The following ARHGEF38 variants were observed in gnomAD, a reference collection of about 807,000 sequenced individuals.
The protein encoded by ARHGEF38 is Rho guanine nucleotide exchange factor 38, also known as Rho guanine nucleotide exchange factor (GEF) 38.
Under a neutral mutation model 79.9 loss-of-function variants are expected in ARHGEF38, and 79 were observed. The ratio of observed to expected loss-of-function variants is 0.99; its 90% confidence interval spans 0.82 to 1.19. The LOEUF (loss-of-function observed/expected upper bound fraction) is 1.19, where lower values mean the gene tolerates loss of function less well. Ranked by LOEUF, ARHGEF38 falls within the 50% of genes most tolerant of loss-of-function variation. The pLI is 0.00. For missense variants in ARHGEF38, 962 were observed against 907.2 expected, an observed-to-expected ratio of 1.06 and a Z score of -0.78; for synonymous variants, 366 against 328.3, an observed-to-expected ratio of 1.11 and a Z score of -1.24.
In ARHGEF38 at chr4:105,565,286, A is replaced by C. The variant is rs572343127; in HGVS notation, c.196+12325A>C. The stretch of plus-strand genomic sequence containing the variant: ...TAATACCTCACTGGCTCCCCTCCAA[A>C]CCCTGTCTGACATGCAATTATTTTC... On this transcript the variant is annotated intron_variant, in intron 1 of 13. Coordinates refer to ENST00000420470, the MANE Select transcript of ARHGEF38 (RefSeq NM_001242729.2). Among the ~76,000 whole-genome samples, 43 of 152,080 alleles carry C rather than the reference A, an allele frequency of 2.8e-4. No homozygotes were observed. In the South Asian group the frequency reaches 8.7e-3, roughly 31 times the overall value.
intron 3 of ARHGEF38, among the ~76,000 whole-genome samples, chr4:105,626,821 A>T (rs1728967508): frequency 2.0e-5 from 3 of 151,536 alleles, no homozygotes; most frequent in African/African-American, 7.3e-5. Flanking sequence ...GCCCTTCATG[A>T]TCTGGCCCCA....
chr4:105,648,842 C>CTCTCTT (rs1175889132), intron 7 of ARHGEF38, among the ~76,000 whole-genome samples, 160 bp downstream of exon 7: 2 of 150,450 alleles, frequency 1.3e-5, no homozygotes, highest in Non-Finnish European at 2.9e-5. Context: ...CTCTCTCTCT[C>CTCTCTT]TCTCTTTCTC....
chr4:105,644,799 T>G (rs1042704568), intron 5 of ARHGEF38, among the ~76,000 whole-genome samples: 2 of 152,224 alleles, frequency 1.3e-5, no homozygotes, highest in Non-Finnish European at 2.9e-5. Context: ...ATGGTTATTC[T>G]CCTCAATAAT....
chr4:105,600,358 C>G lies in ARHGEF38; in HGVS notation c.384+10923C>G, dbSNP rs560653600. Among the ~76,000 whole-genome samples, 6 of 152,304 alleles carry G rather than the reference C, an allele frequency of 3.9e-5. No individual in the cohort carries two copies. In the South Asian group the frequency reaches 6.2e-4, roughly 16 times the overall value. ...AGACATTAGCAAAAGGAGGCACTCA[C>G]TTCCCTGACCTGTTGGCAGCATTTG... On this transcript the variant is annotated intron_variant, in intron 2 of 13. Transcript: ENST00000420470.
chr4:105,555,899 A>G (rs898681907), intron 1 of ARHGEF38, among the ~76,000 whole-genome samples: 1 of 152,168 alleles, frequency 6.6e-6, no homozygotes, highest in Non-Finnish European at 1.5e-5. Flanking sequence ...GTAGCATGAA[A>G]CTTAAGTTGT....
At chr4:105,603,758 T>A (rs922795191) in intron 2 of ARHGEF38, among the ~76,000 whole-genome samples, 1 of 152,204 alleles carries the variant, frequency 6.6e-6, no homozygotes, top group South Asian at 2.1e-4. Context: ...CCCCAAGAAC[T>A]GTGGGAGTAC....
intron 8 of ARHGEF38, 56 bp downstream of exon 8, chr4:105,654,225 T>A: frequency 1.0e-6 from 1 of 1,001,674 alleles, no homozygotes; most frequent in Non-Finnish European, 1.4e-6. Flanking sequence ...TACAAACCAT[T>A]GATTTCCATG....
intron 4 of ARHGEF38, 188 bp downstream of exon 4, chr4:105,631,233 C>A (rs1036832609): frequency 5.6e-6 from 7 of 1,240,764 alleles, no homozygotes; most frequent in Admixed American, 8.1e-5. Flanking sequence ...TTTCCCCCTG[C>A]GAGAATGACT....
At chr4:105,593,543 G>T (rs1284574520) in intron 2 of ARHGEF38, among the ~76,000 whole-genome samples, 1 of 152,078 alleles carries the variant, frequency 6.6e-6, no homozygotes, top group Non-Finnish European at 1.5e-5. Flanking sequence ...GTCTCCAGAA[G>T]AAACAAATAA....
At chr4:105,644,041 A>AT (rs914176903) in intron 5 of ARHGEF38, among the ~76,000 whole-genome samples, 1 of 150,782 alleles carries the variant, frequency 6.6e-6, no homozygotes, top group Admixed American at 6.6e-5. Context: ...TAACTTTTGT[A>AT]TTTTTTTCTA....
intron 1 of ARHGEF38, among the ~76,000 whole-genome samples, chr4:105,582,967 A>G (rs540134998): frequency 1.6e-4 from 24 of 152,260 alleles, no homozygotes; most frequent in Admixed American, 1.4e-3. Context: ...TCCTTTAATT[A>G]GTATTTGCTC....
intron 9 of ARHGEF38, among the ~76,000 whole-genome samples, chr4:105,656,911 A>G (rs958547744): frequency 6.6e-6 from 1 of 152,150 alleles, no homozygotes; most frequent in Non-Finnish European, 1.5e-5. Context: ...GGCACTGGGG[A>G]ATGGAAAGTC....
intron 13 of ARHGEF38, among the ~76,000 whole-genome samples, chr4:105,670,941 C>A (rs534649437): frequency 6.6e-6 from 1 of 152,270 alleles, no homozygotes; most frequent in South Asian, 2.1e-4. Context: ...TAGTATGAGA[C>A]TGCATTTAGT....
intron 3 of ARHGEF38, among the ~76,000 whole-genome samples, chr4:105,619,463 G>A (rs889451958): frequency 6.6e-6 from 1 of 152,012 alleles, no homozygotes; most frequent in East Asian, 1.9e-4. Flanking sequence ...GTGAGCAAAC[G>A]AACAGTTATT....
intron 5 of ARHGEF38, 54 bp downstream of exon 5, chr4:105,636,474 A>C (rs1729402323): frequency 3.2e-6 from 1 of 317,072 alleles, no homozygotes; most frequent in South Asian, 6.8e-5. Flanking sequence ...GAGAAAATGC[A>C]GCTGACTGTT....
chr4:105,616,752 C>T (rs978357590), intron 3 of ARHGEF38, among the ~76,000 whole-genome samples: 2 of 152,128 alleles, frequency 1.3e-5, no homozygotes, highest in African/African-American at 4.8e-5. Context: ...TCAATGCTAT[C>T]ATTGACCATA....
At chr4:105,585,205 A>G (rs1726977296) in intron 1 of ARHGEF38, among the ~76,000 whole-genome samples, 1 of 152,210 alleles carries the variant, frequency 6.6e-6, no homozygotes, top group Admixed American at 6.5e-5. Context: ...TAACATTTGT[A>G]TTGTTTTAAA....
chr4:105,645,224 G>C lies in ARHGEF38; in HGVS notation c.711G>C (p.Met237Ile), dbSNP rs1402408053. The C allele has an allele frequency of 1.3e-6, 2 of 1,533,568 alleles. No individual in the cohort carries two copies. The highest frequency in any genetic ancestry group is 1.7e-6 in the Non-Finnish European group (2 of 1,145,976). The allele number at this position is 1,533,568 out of a possible 1,614,324, so 95.0% of individuals were successfully genotyped here. ...KPNLLDMGSL[M>I]IKPIQRVMKY... ...ACTTATTGGACATGGGCTCTTTGAT[G>C]ATCAAACCAATTCAACGTGTGATGA... Residue 237 changes from methionine to isoleucine, a missense_variant, in exon 6 of 14, where the codon ATG (methionine) becomes ATC (isoleucine). Met to Ile is a conservative substitution (Grantham distance 10). Transcript: ENST00000420470.
At chr4:105,561,400 T>TGG (rs70938196) in intron 1 of ARHGEF38, among the ~76,000 whole-genome samples, 4 of 30,160 alleles carry the variant, frequency 1.3e-4, no homozygotes, top group Admixed American at 4.0e-4. Context: ...TAGAGTAGAA[T>TGG]AATAGAATAG....
Sources: allele counts gnomAD v4.1 joint callset (sites outside exome capture counted in the v4.1 genomes callset), GRCh38; gene constraint gnomAD v4.1.1; transcripts MANE v1.5; gene names NCBI Gene and HGNC (gene_info 2026-07-23, HGNC 2026-07-21).